Variants in COL24A1 observed in about 807,000 individuals in gnomAD.
COL24A1 encodes the protein collagen type XXIV alpha 1 chain.
In COL24A1, 224 loss-of-function variants were observed where a neutral mutation model predicts 253.9. The ratio of observed to expected loss-of-function variants is 0.88; its 90% CI spans 0.79 to 0.99. The LOEUF is 0.99. Among genes scored for constraint, COL24A1 ranks in the 50% least tolerant of loss-of-function variants. COL24A1 has a pLI of 0.00. For missense variants in COL24A1, 2,131 were observed against 2,068.5 expected, an observed-to-expected ratio of 1.03 and a Z score of -0.59; for synonymous variants, 685 against 673.7, an observed-to-expected ratio of 1.02 and a Z score of -0.26.
At chr1:86,082,052 T>G (rs1702677799) in intron 7 of COL24A1, among the ~76,000 whole-genome samples, 1 of 152,164 alleles carries the variant, frequency 6.6e-6, no homozygotes, top group South Asian at 2.1e-4. Context: ...CAAGGCAGCT[T>G]CTGTATAATC....
At chr1:86,109,973 T>G (rs1192191793) in intron 5 of COL24A1, among the ~76,000 whole-genome samples, 1 of 152,174 alleles carries the variant, frequency 6.6e-6, no homozygotes, top group Non-Finnish European at 1.5e-5. Flanking sequence ...AAGCAAGCCT[T>G]CAGTAGATAC....
intron 52 of COL24A1, among the ~76,000 whole-genome samples, chr1:85,777,261 A>G (rs1166795358): frequency 6.6e-6 from 1 of 152,044 alleles, no homozygotes; most frequent in Non-Finnish European, 1.5e-5. Context: ...GATTTTTAAG[A>G]TATCTACACA....
intron 24 of COL24A1, among the ~76,000 whole-genome samples, chr1:85,924,429 C>T (rs866905657): frequency 6.6e-6 from 1 of 152,178 alleles, no homozygotes; most frequent in Non-Finnish European, 1.5e-5. Flanking sequence ...CAATAAAATA[C>T]TTTCAAATTG....
intron 20 of COL24A1, among the ~76,000 whole-genome samples, chr1:85,986,818 C>A (rs2100915825): frequency 6.6e-6 from 1 of 151,960 alleles, no homozygotes; most frequent in South Asian, 2.1e-4. Context: ...ATTGATACCT[C>A]CATAGCAGCT....
chr1:86,139,311 C>A (rs181821040), intron 2 of COL24A1, among the ~76,000 whole-genome samples: 1 of 152,092 alleles, frequency 6.6e-6, no homozygotes, highest in Non-Finnish European at 1.5e-5. Context: ...TGACTCTAAA[C>A]TCAGTGACTA....
chr1:85,761,369 A>G (rs757276426), intron 55 of COL24A1, 27 bp downstream of exon 55: 1 of 1,613,330 alleles, frequency 6.2e-7, no homozygotes, highest in Admixed American at 1.7e-5. Context: ...AGATAAAACA[A>G]AACAAAATCA....
At chr1:86,061,855 C>A (rs1701116033) in intron 8 of COL24A1, among the ~76,000 whole-genome samples, 2 of 151,984 alleles carry the variant, frequency 1.3e-5, no homozygotes, top group South Asian at 2.1e-4. Flanking sequence ...ATATCAACAG[C>A]CCCTTGAGAA....
chr1:85,965,662 C>A (rs961091945), intron 22 of COL24A1, among the ~76,000 whole-genome samples: 2 of 152,104 alleles, frequency 1.3e-5, no homozygotes, highest in Admixed American at 6.6e-5. Context: ...CAACCAACTT[C>A]CCCAGAGAGT....
chr1:86,128,264 A>G (rs6576802), intron 2 of COL24A1, among the ~76,000 whole-genome samples: 3,624 of 152,074 alleles, frequency 0.024, 54 homozygotes, highest in Middle Eastern at 0.048. Context: ...CTCATCCCCA[A>G]TCTTCAGTGA....
intron 47 of COL24A1, among the ~76,000 whole-genome samples, chr1:85,791,872 A>G (rs1414974897): frequency 6.6e-6 from 1 of 152,186 alleles, no homozygotes; most frequent in Admixed American, 6.6e-5. Flanking sequence ...CTTTAAAAAC[A>G]AAATTCTTAT....
intron 28 of COL24A1, among the ~76,000 whole-genome samples, chr1:85,901,301 T>G (rs1421009834): frequency 6.6e-6 from 1 of 151,920 alleles, no homozygotes; most frequent in East Asian, 1.9e-4. Flanking sequence ...CATGAAAAAA[T>G]GCTCAACATC....
chr1:85,734,653 T>C (rs1663857351), intron 59 of COL24A1, 96 bp downstream of exon 59: 5 of 1,101,200 alleles, frequency 4.5e-6, no homozygotes, highest in Admixed American at 3.8e-5. Context: ...TATCTGCAGT[T>C]TGTAATTAAA....
intron 57 of COL24A1, among the ~76,000 whole-genome samples, chr1:85,739,644 A>G (rs1306999119): frequency 6.6e-6 from 1 of 152,144 alleles, no homozygotes; most frequent in African/African-American, 2.4e-5. Flanking sequence ...CTATTTTTCT[A>G]TGACAATTTT....
intron 11 of COL24A1, 75 bp downstream of exon 11, chr1:86,050,049 T>C (rs1700188502): frequency 2.3e-6 from 3 of 1,287,762 alleles, no homozygotes; most frequent in Non-Finnish European, 3.3e-6. Flanking sequence ...CCCTGACATC[T>C]GATTTTATGA....
intron 28 of COL24A1, among the ~76,000 whole-genome samples, chr1:85,900,704 T>C (rs1277180801): frequency 1.3e-5 from 2 of 152,042 alleles, no homozygotes; most frequent in Non-Finnish European, 2.9e-5. Context: ...GGTACTAGTA[T>C]AAAAACAGAC....
chr1:86,031,034 C>T (rs1244344541), intron 14 of COL24A1, among the ~76,000 whole-genome samples: 1 of 151,928 alleles, frequency 6.6e-6, no homozygotes, highest in African/African-American at 2.4e-5. Context: ...TTCACAATAG[C>T]CAAAATACAG....
At chr1:85,789,128 T>C (rs1276001376) in intron 47 of COL24A1, among the ~76,000 whole-genome samples, 2 of 152,164 alleles carry the variant, frequency 1.3e-5, no homozygotes, top group Non-Finnish European at 2.9e-5. Flanking sequence ...ATGGGAATAG[T>C]ATTGAATCTA....
chr1:85,828,077 C>A (rs1312040676), intron 43 of COL24A1, among the ~76,000 whole-genome samples: 3 of 152,086 alleles, frequency 2.0e-5, no homozygotes, highest in Non-Finnish European at 4.4e-5. Context: ...AAATTTCCCT[C>A]TACACACTGC....
chr1:85,761,469 T>A, intron 54 of COL24A1, 47 bp from the exon 55 acceptor site: 1 of 1,613,730 alleles, frequency 6.2e-7, no homozygotes, highest in African/African-American at 1.3e-5. Flanking sequence ...TTAGTAGACA[T>A]CTTAAACCAG....
Sources: allele counts gnomAD v4.1 joint callset (sites outside exome capture counted in the v4.1 genomes callset), GRCh38; gene constraint gnomAD v4.1.1; transcripts MANE v1.5; gene names NCBI Gene and HGNC (gene_info 2026-07-23, HGNC 2026-07-21).